The following KIAA1217 variants were observed in gnomAD, a reference collection of about 807,000 sequenced individuals.
KIAA1217 encodes the protein sickle tail protein homolog.
KIAA1217 carries 88 observed loss-of-function variants against 163.9 expected under a neutral mutation model. The observed-to-expected ratio is 0.54, with a 90% CI of 0.45 to 0.64. KIAA1217 has a LOEUF of 0.64. Ranked by LOEUF, KIAA1217 falls within the 30% of genes least tolerant of loss-of-function variation. The probability of loss-of-function intolerance (pLI) is 0.00; values close to 1 mark genes in which losing one functional copy is unlikely to be tolerated. For synonymous variants in KIAA1217, 903 were observed against 923.1 expected, an observed-to-expected ratio of 0.98 and a Z score of 0.39; for missense variants, 2,372 against 2,475.0, an observed-to-expected ratio of 0.96 and a Z score of 0.88.
intron 1 of KIAA1217, among the ~76,000 whole-genome samples, chr10:23,761,086 C>CA (rs972822604): frequency 1.5e-4 from 23 of 150,154 alleles, no homozygotes; most frequent in Non-Finnish European, 2.2e-4. Context: ...CTCATCTCTA[C>CA]AAAAAAAAAT....
intron 3 of KIAA1217, among the ~76,000 whole-genome samples, chr10:24,402,812 T>A (rs1442731400): frequency 6.6e-6 from 1 of 152,146 alleles, no homozygotes; most frequent in African/African-American, 2.4e-5. Flanking sequence ...TTCCTTTCAG[T>A]CTGTAGCTTG....
chr10:23,725,363 C>A (rs1838078410), intron 1 of KIAA1217, among the ~76,000 whole-genome samples: 2 of 152,180 alleles, frequency 1.3e-5, no homozygotes, highest in African/African-American at 4.8e-5. Flanking sequence ...ACATAGAAGG[C>A]AGTTTCAGCA....
chr10:24,203,269 T>C (rs1262851167), intron 2 of KIAA1217, among the ~76,000 whole-genome samples: 6 of 151,992 alleles, frequency 3.9e-5, no homozygotes, highest in Non-Finnish European at 8.8e-5. Context: ...AAAAATAATA[T>C]TGATGATTGA....
At chr10:24,257,755 G>T (rs2075313511) in intron 2 of KIAA1217, among the ~76,000 whole-genome samples, 1 of 152,198 alleles carries the variant, frequency 6.6e-6, no homozygotes, top group African/African-American at 2.4e-5. Flanking sequence ...CCTGAAAACA[G>T]ATTCCTGCCT....
intron 1 of KIAA1217, among the ~76,000 whole-genome samples, chr10:23,983,119 A>G (rs1440018996): frequency 6.6e-6 from 1 of 151,890 alleles, no homozygotes; most frequent in Non-Finnish European, 1.5e-5. Flanking sequence ...GAAACAGGCA[A>G]TCCTCTTAAG....
At chr10:23,785,498 T>A (rs1027342032) in intron 1 of KIAA1217, among the ~76,000 whole-genome samples, 1 of 152,206 alleles carries the variant, frequency 6.6e-6, no homozygotes, top group African/African-American at 2.4e-5. Flanking sequence ...GAAGTGTTCA[T>A]CTATTTTATT....
intron 2 of KIAA1217, among the ~76,000 whole-genome samples, chr10:24,226,735 A>T (rs1449362642): frequency 6.6e-6 from 1 of 152,194 alleles, no homozygotes; most frequent in African/African-American, 2.4e-5. Flanking sequence ...ATAGATTCCT[A>T]TCTGTATTTT....
intron 1 of KIAA1217, among the ~76,000 whole-genome samples, chr10:23,909,099 G>A (rs113714348): frequency 0.013 from 2,028 of 152,264 alleles, 50 homozygotes; most frequent in African/African-American, 0.043. Flanking sequence ...AAGTAACTCA[G>A]GAATGGTAAC....
intron 17 of KIAA1217, chr10:24,542,464 GA>G (rs1484890681): frequency 6.5e-5 from 90 of 1,375,314 alleles, no homozygotes; most frequent in Non-Finnish European, 8.4e-5. Flanking sequence ...TTAAATTCTT[GA>G]AATCTTTTGC....
At chr10:24,307,703 G>T (rs1448578298) in intron 2 of KIAA1217, among the ~76,000 whole-genome samples, 1 of 152,106 alleles carries the variant, frequency 6.6e-6, no homozygotes, top group Non-Finnish European at 1.5e-5. Context: ...GATTGCTTGA[G>T]CGTAAGAGGT....
intron 5 of KIAA1217, among the ~76,000 whole-genome samples, chr10:24,453,049 G>A (rs1197195148): frequency 6.6e-6 from 1 of 152,196 alleles, no homozygotes; most frequent in Non-Finnish European, 1.5e-5. Context: ...CCTGTAACCT[G>A]AGACCCAGGA....
chr10:24,203,616 A>C (rs556133979), intron 2 of KIAA1217, among the ~76,000 whole-genome samples: 5 of 151,764 alleles, frequency 3.3e-5, no homozygotes, highest in Non-Finnish European at 7.4e-5. Context: ...GAGAAGCTCA[A>C]GGGCAGAAAA....
intron 2 of KIAA1217, among the ~76,000 whole-genome samples, chr10:24,135,423 T>C (rs1341291187): frequency 1.3e-5 from 2 of 151,924 alleles, no homozygotes; most frequent in African/African-American, 4.8e-5. Flanking sequence ...TTGCCTCCGC[T>C]GGGATTGGCG....
At chr10:24,167,004 G>A (rs1589746456) in intron 2 of KIAA1217, among the ~76,000 whole-genome samples, 2 of 152,116 alleles carry the variant, frequency 1.3e-5, no homozygotes, top group Non-Finnish European at 2.9e-5. Flanking sequence ...GGATGGCAGC[G>A]AATAAGTTAA....
At chr10:24,327,983 G>C (rs890238232) in intron 2 of KIAA1217, among the ~76,000 whole-genome samples, 11 of 152,148 alleles carry the variant, frequency 7.2e-5, no homozygotes, top group African/African-American at 2.7e-4. Flanking sequence ...CTATCCCAGA[G>C]GCTAAATATT....
rs771371467 is a variant in KIAA1217, at chr10:24,543,649, T to G, written c.4379T>G (p.Leu1460Arg). 1.2e-6 allele frequency: 2 copies of G among 1,614,070 alleles called. No homozygotes were observed. Among genetic ancestry groups the G allele is most frequent in the Non-Finnish European group, 1.7e-6 (2 of 1,180,012 alleles). The change falls in exon 19 of 21, where the codon CTT becomes CGT. Residue 1460 changes from leucine to arginine, a missense_variant. Transcript: ENST00000376454. Reference protein sequence around the residue: ...PMDIRSAYKRLSTIFEECDEE... With the variant: ...PMDIRSAYKRRSTIFEECDEE... Reference sequence around the variant, plus strand: ...GACATCCGGTCTGCCTATAAGAGACTTTCAACTATCTTTGAGGAATGTGAT... The same window carrying G: ...GACATCCGGTCTGCCTATAAGAGACGTTCAACTATCTTTGAGGAATGTGAT...
rs149454899 is a variant in KIAA1217, at chr10:24,266,586, C to T, written c.354+46677C>T. On this transcript the variant is annotated intron_variant, in intron 2 of 20. Coordinates refer to ENST00000376454, the MANE Select transcript of KIAA1217 (RefSeq NM_019590.5). The stretch of plus-strand genomic sequence containing the variant: ...TAGGAATGTAAAACGCACCAATCAG[C>T]GCTCTGTAGCTAGCAAGAGGATGGT... Among the ~76,000 whole-genome samples the T allele has an allele frequency of 1.0e-3, 152 of 152,232 alleles. 1 individual carries two copies. The highest frequency in any genetic ancestry group is 3.0e-3 in the African/African-American group (126 of 41,544).
At chr10:23,776,130 T>G (rs1190511247) in intron 1 of KIAA1217, among the ~76,000 whole-genome samples, 1 of 152,156 alleles carries the variant, frequency 6.6e-6, no homozygotes, top group East Asian at 1.9e-4. Context: ...GCCCAGATTC[T>G]TAAGAGATAC....
At chr10:23,765,771 T>A (rs986138185) in intron 1 of KIAA1217, among the ~76,000 whole-genome samples, 1 of 152,156 alleles carries the variant, frequency 6.6e-6, no homozygotes, top group Non-Finnish European at 1.5e-5. Flanking sequence ...TGATTGTAGG[T>A]TTCCTGAGGC....
Sources: allele counts gnomAD v4.1 joint callset (sites outside exome capture counted in the v4.1 genomes callset), GRCh38; gene constraint gnomAD v4.1.1; transcripts MANE v1.5; gene names NCBI Gene and HGNC (gene_info 2026-07-23, HGNC 2026-07-21).